Variants in PTK2B observed in about 807,000 individuals in gnomAD.
PTK2B encodes protein tyrosine kinase 2 beta, also known as protein-tyrosine kinase 2-beta.
Under a neutral mutation model 142.9 loss-of-function variants are expected in PTK2B, and 71 were observed. The observed-to-expected ratio is 0.50, with a 90% CI of 0.41 to 0.61. The LOEUF is 0.61. Ranked by LOEUF, PTK2B falls within the 20% of genes least tolerant of loss-of-function variation. The pLI, the probability that PTK2B is intolerant of heterozygous loss-of-function variation, is 0.00. For synonymous variants in PTK2B, 519 were observed against 503.4 expected (o/e 1.03, Z -0.42); for missense variants, 1,105 against 1,320.4 (o/e 0.84, Z 2.53).
chr8:27,439,461 G>C, intron 20 of PTK2B, 63 bp downstream of exon 20: 3 of 1,524,026 alleles, frequency 2.0e-6, no homozygotes, highest in Non-Finnish European at 2.7e-6. Context: ...ACCAGGCTAA[G>C]GGGGTGGGTG....
At chr8:27,314,130 C>T (rs1803042398) in intron 3 of PTK2B, among the ~76,000 whole-genome samples, 1 of 152,250 alleles carries the variant, frequency 6.6e-6, no homozygotes, top group Admixed American at 6.5e-5. Context: ...AGGTTCCCCA[C>T]TCAGTTTATT....
chr8:27,310,888 C>T (rs1802925890), upstream of PTK2B: 1 of 1,612,988 alleles, frequency 6.2e-7, no homozygotes, highest in East Asian at 2.2e-5. Context: ...ACAGCAGCTC[C>T]TTGTCCTCGA....
intron 1 of PTK2B, among the ~76,000 whole-genome samples, chr8:27,339,721 T>G (rs925043403): frequency 1.3e-5 from 2 of 151,996 alleles, no homozygotes; most frequent in Admixed American, 6.5e-5. Context: ...ATGGTTGGAG[T>G]TGGGGATCAG....
At chr8:27,322,595 C>A (rs1173187851), upstream of PTK2B, 6 of 152,188 alleles carry the variant, frequency 3.9e-5, no homozygotes, top group Admixed American at 3.3e-4. Context: ...GTACACCTAT[C>A]ACTTAATTTG....
intron 1 of PTK2B, among the ~76,000 whole-genome samples, chr8:27,348,632 A>C (rs1018802411): frequency 9.2e-5 from 14 of 152,304 alleles, no homozygotes; most frequent in African/African-American, 3.4e-4. Context: ...AGAGGTGGCC[A>C]GCATTATGCT....
At chr8:27,439,545 A>C in intron 20 of PTK2B, 147 bp downstream of exon 20, 1 of 878,176 alleles carries the variant, frequency 1.1e-6, no homozygotes, top group South Asian at 1.6e-5. Context: ...GAAGTCTCAG[A>C]GGTGGGGAGG....
intron 2 of PTK2B, among the ~76,000 whole-genome samples, chr8:27,403,819 TTC>T (rs1808528480): frequency 6.6e-6 from 1 of 152,026 alleles, no homozygotes; most frequent in African/African-American, 2.4e-5. Flanking sequence ...TTCTTCTGTC[TTC>T]TTTCTTTTTT....
intron 1 of PTK2B, among the ~76,000 whole-genome samples, chr8:27,378,079 A>G (rs1050848641): frequency 1.3e-5 from 2 of 152,180 alleles, no homozygotes; most frequent in Non-Finnish European, 2.9e-5. Context: ...TGAGTTTACA[A>G]TCTTAGTTGT....
At chr8:27,325,167 G>A (rs1234606259), upstream of PTK2B, among the ~76,000 whole-genome samples, 2 of 152,190 alleles carry the variant, frequency 1.3e-5, no homozygotes, top group Admixed American at 1.3e-4. Context: ...CCACTGCGGG[G>A]GGTCTTGGGA....
In PTK2B at chr8:27,342,372, A is replaced by T. The variant is rs1168210775; in HGVS notation, c.-38+16691A>T. On this transcript the variant is annotated intron_variant, in intron 1 of 30. Coordinates refer to ENST00000346049, the MANE Select transcript of PTK2B (RefSeq NM_173176.3). ...TGTAATTATAGCTCACTTCAGTCTC[A>T]ACCTCCCAGGCCCAAATGATCCTCT... 7.3e-5 allele frequency among the ~76,000 whole-genome samples: 11 copies of T among 150,944 alleles called. No individual in the cohort carries two copies. In the South Asian group the frequency reaches 2.3e-3, roughly 32 times the overall value.
intron 3 of PTK2B, among the ~76,000 whole-genome samples, chr8:27,316,913 A>G (rs898415015): frequency 6.6e-6 from 1 of 152,224 alleles, no homozygotes; most frequent in African/African-American, 2.4e-5. Flanking sequence ...AGCTACATAT[A>G]GATAAAATGC....
chr8:27,378,829 G>A (rs1179103793), intron 1 of PTK2B, among the ~76,000 whole-genome samples: 1 of 152,106 alleles, frequency 6.6e-6, no homozygotes, highest in African/African-American at 2.4e-5. Flanking sequence ...CCTCCTCACT[G>A]GCTGTCTCCT....
chr8:27,451,585 A>G (rs776199694), intron 27 of PTK2B, 76 bp downstream of exon 27: 27 of 1,609,774 alleles, frequency 1.7e-5, no homozygotes, highest in Non-Finnish European at 2.2e-5. Flanking sequence ...CCCACCGCCC[A>G]GGGCAGGGAG....
chr8:27,444,737 T>C (rs746088913), intron 23 of PTK2B, among the ~76,000 whole-genome samples: 2 of 152,216 alleles, frequency 1.3e-5, no homozygotes, highest in Non-Finnish European at 2.9e-5. Context: ...TTTCCCAGGC[T>C]GTGCGTCCCT....
intron 19 of PTK2B, 68 bp downstream of exon 19, chr8:27,439,199 G>A: frequency 6.4e-7 from 1 of 1,570,696 alleles, no homozygotes; most frequent in Non-Finnish European, 8.8e-7. Context: ...TCCAGAAGAA[G>A]GAAGTCTACA....
At chr8:27,365,238 G>A (rs1450575376) in intron 1 of PTK2B, among the ~76,000 whole-genome samples, 1 of 152,174 alleles carries the variant, frequency 6.6e-6, no homozygotes, top group Non-Finnish European at 1.5e-5. Flanking sequence ...GGCGATATCT[G>A]TCTCCCCAAC....
chr8:27,320,946 T>TAAGCCACCAGGCATCTCATTGGCATACAA (rs561717520), upstream of PTK2B, among the ~76,000 whole-genome samples: 48 of 137,054 alleles, frequency 3.5e-4, no homozygotes, highest in East Asian at 0.011. Flanking sequence ...CTAAGATACC[T>TAAGCCACCAGGCATCTCATTGGCATACAA]AAGCCACCAG....
At chr8:27,351,008 T>A (rs374976020) in intron 1 of PTK2B, among the ~76,000 whole-genome samples, 7,209 of 14,856 alleles carry the variant, frequency 0.49, 2,698 homozygotes, top group Non-Finnish European at 0.64. Flanking sequence ...TATATATATA[T>A]ATATATATAT....
At chr8:27,354,525 C>A (rs542775346) in intron 1 of PTK2B, among the ~76,000 whole-genome samples, 77 of 152,232 alleles carry the variant, frequency 5.1e-4, no homozygotes, top group Non-Finnish European at 9.3e-4. Flanking sequence ...AATCTATGTG[C>A]AAGCAGTTTT....
Sources: gnomAD v4.1 joint callset for allele counts (sites outside exome capture counted in the v4.1 genomes callset) on GRCh38, gnomAD v4.1.1 for gene constraint, MANE v1.5 for transcripts, NCBI Gene and HGNC (gene_info 2026-07-23, HGNC 2026-07-21) for gene names.